The following ARHGEF40 variants were observed in gnomAD, a reference collection of about 807,000 sequenced individuals.
ARHGEF40 encodes Rho guanine nucleotide exchange factor (GEF) 40.
A neutral mutation model predicts 165.9 loss-of-function variants in ARHGEF40; 98 were observed. The ratio of observed to expected loss-of-function variants is 0.59; its 90% CI spans 0.50 to 0.70. The LOEUF (loss-of-function observed/expected upper bound fraction) is 0.70, where lower values mean the gene tolerates loss of function less well. ARHGEF40 is among the 30% of genes least tolerant of loss of function. The pLI, the probability that ARHGEF40 is intolerant of heterozygous loss-of-function variation, is 0.00. For missense variants in ARHGEF40, 1,815 were observed against 1,968.0 expected (o/e 0.92, Z 1.47); for synonymous variants, 792 against 814.3 (o/e 0.97, Z 0.47).
At chr14:21,085,473 T>G (rs1234602121) in intron 18 of ARHGEF40, among the ~76,000 whole-genome samples, 3 of 152,364 alleles carry the variant, frequency 2.0e-5, no homozygotes, top group African/African-American at 7.2e-5. Context: ...GTGAGAAGCC[T>G]TTGTGGAAGT....
Position 21,072,145 on chromosome 14 carries a change from G to A in ARHGEF40, c.4-900G>A, listed in dbSNP as rs1886986986. Among the ~76,000 whole-genome samples the A allele has an allele frequency of 6.6e-6, 1 of 152,210 alleles. No individual in the cohort carries two copies. The highest frequency in any genetic ancestry group is 2.4e-5 in the African/African-American group (1 of 41,456). ...CAAAGGAATAGCCCAAGGGGTGGTT[G>A]TTTAGGTTAGGAGTTGGAGAAAGAC... On this transcript the variant is annotated intron_variant, in intron 1 of 23. Coordinates refer to ENST00000298694, the MANE Select transcript of ARHGEF40 (RefSeq NM_018071.5). The surrounding 1 kb of genome is among the most constrained non-coding windows in gnomAD (Gnocchi z 4.1).
rs775533185 is a variant in ARHGEF40, at chr14:21,073,026, C to G, written c.4-19C>G. ...TTGGGTGATCTCTAGGGATCTGTAG[C>G]CTGGTCCTATCTCTACAGGAGCCTG... is the stretch of plus-strand genomic sequence containing the variant. On this transcript the variant is annotated intron_variant, in intron 1 of 23. Transcript: ENST00000298694. This position sits in a 1 kb window ranked among gnomAD's most constrained non-coding sequence, Gnocchi z 4.6. 6.2e-7 allele frequency: 1 copy of G among 1,609,516 alleles called. No homozygotes were observed.
Position 21,073,234 on chromosome 14 carries a change from G to A in ARHGEF40, c.193G>A (p.Glu65Lys), listed in dbSNP as rs763446664. Residue 65 changes from glutamate (E) to lysine (K), a missense_variant, in exon 2 of 24, where the codon GAA becomes AAA. Glu to Lys is a moderately conservative substitution (Grantham distance 56). Coordinates refer to ENST00000298694, the MANE Select transcript of ARHGEF40 (RefSeq NM_018071.5). This position sits in a 1 kb window ranked among gnomAD's most constrained non-coding sequence, Gnocchi z 4.6. ...GCACCTGCTTGCCAAGGTCCAGCAG[G>A]AAGCCTGTGTGAGTGGCCGTGCATC... is the stretch of plus-strand genomic sequence containing the variant. ...AKHLLAKVQQEACAQYSGFLF... is the reference protein window; with the variant it reads ...AKHLLAKVQQKACAQYSGFLF... 4.4e-6 allele frequency: 7 copies of A among 1,608,780 alleles called. No individual in the cohort carries two copies. The South Asian group carries it at 4.4e-5, about 10-fold the overall frequency.
At position 21,080,864 on chromosome 14, in the gene ARHGEF40, C is replaced by T; in HGVS notation, c.2497-9C>T. On this transcript the variant is annotated splice_polypyrimidine_tract_variant and intron_variant, in intron 12 of 23. Coordinates refer to ENST00000298694, the MANE Select transcript of ARHGEF40 (RefSeq NM_018071.5). Reference sequence around the variant, plus strand: ...AGGACCAGGTCTGAGCGCAGCCTCCCTTCTCCAGGAGCGCCTGGCCCAGGC... The same window carrying T: ...AGGACCAGGTCTGAGCGCAGCCTCCTTTCTCCAGGAGCGCCTGGCCCAGGC... 2 of 1,612,664 alleles carry T rather than the reference C, an allele frequency of 1.2e-6. No individual in the cohort carries two copies. The highest frequency in any genetic ancestry group is 2.2e-5 in the East Asian group (1 of 44,870).
rs370021252 is a variant in ARHGEF40, at chr14:21,084,951, G to A, written c.3960+28G>A. ...ACGATTCCTGGAGTGAGTGGTGGAG[G>A]TGACAGGAAGTCATTCTCTTCTTGA... On this transcript the variant is annotated intron_variant, in intron 18 of 23. Transcript: ENST00000298694. The A allele has an allele frequency of 3.1e-6, 5 of 1,601,676 alleles. No homozygotes were observed. The African/African-American group carries it at 5.4e-5, about 17-fold the overall frequency.
chr14:21,062,695 A>G, the ARHGEF40 span, among the ~76,000 whole-genome samples: 1 of 121,542 alleles, frequency 8.2e-6, no homozygotes, highest in African/African-American at 3.2e-5. Context: ...TGTAAACAAA[A>G]CAGGCTGGGC....
At chr14:21,068,704 G>A (rs534739546), upstream of ARHGEF40, among the ~76,000 whole-genome samples, 2 of 152,202 alleles carry the variant, frequency 1.3e-5, no homozygotes, top group African/African-American at 4.8e-5. Context: ...TCCCCTAGCC[G>A]GGTGTTAGAA....
chr14:21,083,847 G>T lies in ARHGEF40; in HGVS notation c.3586G>T (p.Ala1196Ser), dbSNP rs114588064. 3 of 1,613,702 alleles carry T rather than the reference G, an allele frequency of 1.9e-6. No individual in the cohort carries two copies. Among genetic ancestry groups the T allele is most frequent in the Non-Finnish European group, 2.5e-6 (3 of 1,179,918 alleles). ...LSPLSKGSME[A>S]GPYLPRALQQ... ...GTCCTCAACCTAGGGCTCCATGGAG[G>T]CTGGCCCTTACCTGCCCCGAGCCCT... Residue 1196 changes from alanine (A) to serine (S), a missense_variant, in exon 17 of 24, where the codon GCT (alanine) becomes TCT (serine). Coordinates refer to ENST00000298694, the MANE Select transcript of ARHGEF40 (RefSeq NM_018071.5).
Position 21,072,035 on chromosome 14 carries a change from A to G in ARHGEF40, c.4-1010A>G, listed in dbSNP as rs943732200. Among the ~76,000 whole-genome samples, 10 of 152,348 alleles carry G rather than the reference A, an allele frequency of 6.6e-5. No individual in the cohort carries two copies. Among genetic ancestry groups the G allele is most frequent in the Non-Finnish European group, 1.3e-4 (9 of 68,034 alleles). ...AGAGACCAAGGTAAAGGCTGCATTGAGTATCCCCTTCCCCATTTACAGCAA... is the reference window on the plus strand; with the variant it reads ...AGAGACCAAGGTAAAGGCTGCATTGGGTATCCCCTTCCCCATTTACAGCAA... On this transcript the variant is annotated intron_variant, in intron 1 of 23. Coordinates refer to ENST00000298694, the MANE Select transcript of ARHGEF40 (RefSeq NM_018071.5). The surrounding 1 kb of genome is among the most constrained non-coding windows in gnomAD (Gnocchi z 4.1).
upstream of ARHGEF40, among the ~76,000 whole-genome samples, chr14:21,068,329 AT>A (rs1330645871): frequency 6.6e-6 from 1 of 150,688 alleles, no homozygotes; most frequent in African/African-American, 2.4e-5. Context: ...AAAAAAAAAA[AT>A]GATCCACTCC....
chr14:21,085,647 G>GACTC, intron 18 of ARHGEF40, 42 bp from the exon 19 acceptor site: 1 of 1,595,080 alleles, frequency 6.3e-7, no homozygotes, highest in African/African-American at 1.3e-5. Context: ...ACCCAGCCAG[G>GACTC]ACTCACTCTG....
Position 21,088,764 on chromosome 14 carries a change from T to C in ARHGEF40, c.4519-66T>C, listed in dbSNP as rs1442947639. On this transcript the variant is annotated intron_variant, in intron 22 of 23. Coordinates refer to ENST00000298694, the MANE Select transcript of ARHGEF40 (RefSeq NM_018071.5). ...GAATTGACAGGCTTGTGGGGAGGAA[T>C]GGAGGAAAAGAGAGAGAAAGACAAG... 4.0e-6 allele frequency: 6 copies of C among 1,512,100 alleles called. No individual in the cohort carries two copies. In the South Asian group the frequency reaches 4.7e-5, roughly 12 times the overall value. The allele number at this position is 1,512,100 out of a possible 1,614,324, so 93.7% of individuals were successfully genotyped here. A position where few individuals can be genotyped will look rare whatever the true frequency, so the allele number is the denominator to read the frequency against.
chr14:21,081,177 C>G, intron 13 of ARHGEF40, 161 bp downstream of exon 13: 1 of 1,178,472 alleles, frequency 8.5e-7, no homozygotes, highest in Non-Finnish European at 1.2e-6. Flanking sequence ...TGGCATGGGG[C>G]AAGATACTAA....
rs557210707 is a variant in ARHGEF40 at position 21,089,524 on chromosome 14, A to G, written c.*516A>G. The G allele has an allele frequency of 5.9e-5, 9 of 152,772 alleles. No homozygotes were observed. The East Asian group carries it at 1.7e-3, about 29-fold the overall frequency. 9.5% of individuals were successfully genotyped at this position (152,772 alleles called of 1,614,324 possible). A position where few individuals can be genotyped will look rare whatever the true frequency, so the allele number is the denominator to read the frequency against. On this transcript the variant is annotated 3_prime_UTR_variant, in exon 24 of 24. Transcript: ENST00000298694. ...TTACTGTTATTATAATACTATTGTT[A>G]TATTAAATGTATTTACTCACACTTT...
At chr14:21,085,664 C>G in intron 18 of ARHGEF40, 25 bp from the exon 19 acceptor site, 1 of 1,608,102 alleles carries the variant, frequency 6.2e-7, no homozygotes, top group East Asian at 2.2e-5. Flanking sequence ...TCTGTCTTCA[C>G]CCGCTGCCCT....
Position 21,082,802 on chromosome 14 carries a change from G to A in ARHGEF40, c.3487-29G>A, listed in dbSNP as rs2274678. The A allele has an allele frequency of 1.4e-5, 23 of 1,608,688 alleles. No homozygotes were observed. The East Asian group carries it at 4.9e-4, about 34-fold the overall frequency. On this transcript the variant is annotated intron_variant, in intron 15 of 23. Coordinates refer to ENST00000298694, the MANE Select transcript of ARHGEF40 (RefSeq NM_018071.5). ...GCTTGTCTGCAGCGGCCTCACCGGG[G>A]ACTCCTTATCTGTTCTTTACTGGCA...
chr14:21,088,268 G>A (rs1259322822), intron 22 of ARHGEF40, among the ~76,000 whole-genome samples, 170 bp downstream of exon 22: 2 of 152,124 alleles, frequency 1.3e-5, no homozygotes, highest in Admixed American at 6.5e-5. Flanking sequence ...CCTCTCCCCG[G>A]GACCTGGCTA....
rs1034150311 is a variant in ARHGEF40, at chr14:21,075,764, A to G, written c.1738A>G (p.Arg580Gly). Residue 580 changes from arginine (R) to glycine (G), a missense_variant and splice_region_variant, in exon 5 of 24, where the codon AGG becomes GGG. Transcript: ENST00000298694. The surrounding 1 kb of genome is among the most constrained non-coding windows in gnomAD (Gnocchi z 4.5). ...TTLHYLHSLL[R>G]PDLQTLGLSV... ...TCTTCATTACCTCCACTCACTGCTCAGGTAACCGAGGCCCAGTCCTGGCAC... is the reference window on the plus strand; with the variant it reads ...TCTTCATTACCTCCACTCACTGCTCGGGTAACCGAGGCCCAGTCCTGGCAC... 1.2e-6 allele frequency: 2 copies of G among 1,612,156 alleles called. No individual in the cohort carries two copies. The highest frequency in any genetic ancestry group is 1.7e-6 in the Non-Finnish European group (2 of 1,179,130).
Position 21,089,993 on chromosome 14 carries a change from CTAAG to C in ARHGEF40, c.*987_*990del. 1 of 232,678 alleles carries C rather than the reference CTAAG, an allele frequency of 4.3e-6. No individual in the cohort carries two copies. Among genetic ancestry groups the C allele is most frequent in the South Asian group, 4.8e-5 (1 of 20,632 alleles). The allele number at this position is 232,678 out of a possible 1,614,324, so 14.4% of individuals were successfully genotyped here. On this transcript the variant is annotated 3_prime_UTR_variant, in exon 24 of 24. Coordinates refer to ENST00000298694, the MANE Select transcript of ARHGEF40 (RefSeq NM_018071.5). ...TCTTATCAAACTCTTTGGGTGATAACTAAGTGTCTGAAGAGGTGACTATTTCCTG... is the reference window on the plus strand; with the variant it reads ...TCTTATCAAACTCTTTGGGTGATAACTGTCTGAAGAGGTGACTATTTCCTG...
Sources: gnomAD v4.1 joint callset for allele counts (sites outside exome capture counted in the v4.1 genomes callset) on GRCh38, gnomAD v4.1.1 for gene constraint, Gnocchi (gnomAD v3.1) non-coding constraint, MANE v1.5 for transcripts, NCBI Gene and HGNC (gene_info 2026-07-23, HGNC 2026-07-21) for gene names.